PALS1: variants seen among roughly 807,000 people sequenced by gnomAD.
PALS1 encodes the protein protein associated with LIN7 1, MAGUK p55 family member.
Under a neutral mutation model 78.9 loss-of-function variants are expected in PALS1, and 31 were observed. The ratio of observed to expected loss-of-function variants is 0.39; its 90% CI spans 0.30 to 0.53. The LOEUF is 0.53. PALS1 is among the 20% of genes least tolerant of loss of function. The pLI, the probability that PALS1 is intolerant of heterozygous loss-of-function variation, is 0.67. For synonymous variants in PALS1, 276 were observed against 270.9 expected, an observed-to-expected ratio of 1.02 and a Z score of -0.18; for missense variants, 704 against 826.5, an observed-to-expected ratio of 0.85 and a Z score of 1.82.
rs190847744 is a variant in PALS1 at position 67,312,864 on chromosome 14, T to C, written c.1225+154T>C. On this transcript the variant is annotated intron_variant, in intron 9 of 14. Transcript: ENST00000261681. ...GGGTTTTTATGTTGTACCTGCAGCG[T>C]AAGTATATTAAATAGAATGTGGCCA... 2.6e-5 allele frequency among the ~76,000 whole-genome samples: 4 copies of C among 152,352 alleles called. No individual in the cohort carries two copies. In the East Asian group the frequency reaches 7.7e-4, roughly 29 times the overall value.
rs17184175 is a variant in PALS1 at position 67,326,407 on chromosome 14, A to G, written c.1851+2595A>G. ...ATATTTTTAAAGCAGGAAGTTGATCAGTACCAAAATGTTTTAACAATATGC... is the reference window on the plus strand; with the variant it reads ...ATATTTTTAAAGCAGGAAGTTGATCGGTACCAAAATGTTTTAACAATATGC... On this transcript the variant is annotated intron_variant, in intron 14 of 14. Transcript: ENST00000261681. Among the ~76,000 whole-genome samples, 468 of 151,676 alleles carry G rather than the reference A, an allele frequency of 3.1e-3. 3 individuals are homozygous for G. Among genetic ancestry groups the G allele is most frequent in the Non-Finnish European group, 5.0e-3 (342 of 67,912 alleles).
intron 1 of PALS1, among the ~76,000 whole-genome samples, chr14:67,269,063 C>G (rs1488921364): frequency 2.0e-5 from 3 of 152,146 alleles, no homozygotes; most frequent in Non-Finnish European, 2.9e-5. Flanking sequence ...AACCACTGAT[C>G]TACTTTTTGT....
intron 6 of PALS1, 51 bp downstream of exon 6, chr14:67,302,169 G>A (rs1335603514): frequency 2.0e-6 from 3 of 1,524,616 alleles, no homozygotes; most frequent in Admixed American, 4.2e-5. Context: ...CTGCTGTTGT[G>A]TGCTTCAAAA....
rs34930516 is a variant in PALS1 at position 67,310,062 on chromosome 14, CT to C, written c.1042-2453del. On this transcript the variant is annotated intron_variant, in intron 8 of 14. Coordinates refer to ENST00000261681, the MANE Select transcript of PALS1 (RefSeq NM_022474.4). ...TTATTGATAGGATGGTGCTCAAGCA[CT>C]TTTTTTTTTTTAAAGAAAACATATT... is the stretch of plus-strand genomic sequence containing the variant. 3.0e-3 allele frequency among the ~76,000 whole-genome samples: 432 copies of C among 143,630 alleles called. 2 individuals are homozygous for C. Among genetic ancestry groups the C allele is most frequent in the African/African-American group, 7.8e-3 (310 of 39,688 alleles). The allele number at this position is 143,630 out of a possible 152,430, so 94.2% of individuals were successfully genotyped here.
chr14:67,291,108 C>T (rs114310559), intron 3 of PALS1, among the ~76,000 whole-genome samples: 314 of 152,028 alleles, frequency 2.1e-3, no homozygotes, highest in African/African-American at 7.1e-3. Flanking sequence ...TAAGAGCAAC[C>T]ATAAATATAA....
At chr14:67,289,767 TC>T (rs146739749) in intron 3 of PALS1, among the ~76,000 whole-genome samples, 2,206 of 127,056 alleles carry the variant, frequency 0.017, 286 homozygotes, top group African/African-American at 0.049. Flanking sequence ...TTTTTCCATG[TC>T]CTTTTTTTTT....
chr14:67,320,247 A>C lies in PALS1; in HGVS notation c.1387A>C (p.Ile463Leu). 1 of 1,612,292 alleles carries C rather than the reference A, an allele frequency of 6.2e-7. No individual in the cohort carries two copies. Among genetic ancestry groups the C allele is most frequent in the East Asian group, 2.2e-5 (1 of 44,824 alleles). Residue 463 changes from isoleucine to leucine, a missense_variant, in exon 12 of 15, where the codon ATC (isoleucine) becomes CTC (leucine). Coordinates refer to ENST00000261681, the MANE Select transcript of PALS1 (RefSeq NM_022474.4). ...TCCCAAAGATTATGACAACGAGGAGATCTTAACCTATGAGGAAATGTCACT... is the reference window on the plus strand; with the variant it reads ...TCCCAAAGATTATGACAACGAGGAGCTCTTAACCTATGAGGAAATGTCACT... The part of the protein sequence containing the change: ...NKNDDYDNEE[I>L]LTYEEMSLYH...
intron 14 of PALS1, among the ~76,000 whole-genome samples, chr14:67,330,153 TA>T (rs58046175): frequency 0.16 from 22,191 of 140,230 alleles, 3,146 homozygotes; most frequent in East Asian, 0.41. Flanking sequence ...ATAATAATAA[TA>T]ATTATTATTA....
At chr14:67,260,105 A>G (rs1452108303) in intron 1 of PALS1, among the ~76,000 whole-genome samples, 2 of 152,222 alleles carry the variant, frequency 1.3e-5, no homozygotes, top group African/African-American at 4.8e-5. Context: ...GAACTTATGC[A>G]TCTCTCTAAT....
At chr14:67,266,231 G>T (rs528371407) in intron 1 of PALS1, among the ~76,000 whole-genome samples, 1 of 152,210 alleles carries the variant, frequency 6.6e-6, no homozygotes, top group Admixed American at 6.5e-5. Flanking sequence ...GTAAGAACTC[G>T]TTTTTTAGTT....
At chr14:67,252,329 A>T (rs769919056) in intron 1 of PALS1, among the ~76,000 whole-genome samples, 1 of 151,870 alleles carries the variant, frequency 6.6e-6, no homozygotes, top group East Asian at 1.9e-4. Flanking sequence ...TTTTATTTTT[A>T]TTTTTTGTAG....
chr14:67,242,202 CCTT>C (rs1003297226), intron 1 of PALS1, among the ~76,000 whole-genome samples: 2 of 152,178 alleles, frequency 1.3e-5, no homozygotes, highest in African/African-American at 2.4e-5. Flanking sequence ...TCATAACTCA[CCTT>C]CTGTTGATTG....
intron 14 of PALS1, among the ~76,000 whole-genome samples, chr14:67,328,695 T>G (rs1417073713): frequency 6.6e-6 from 1 of 152,250 alleles, no homozygotes. Flanking sequence ...TTTCTACATA[T>G]GGCTAGCCAG....
intron 1 of PALS1, among the ~76,000 whole-genome samples, chr14:67,258,984 A>C (rs2084188475): frequency 6.6e-6 from 1 of 151,918 alleles, no homozygotes; most frequent in Non-Finnish European, 1.5e-5. Context: ...CTGGGACTAC[A>C]GGCGCGTGCC....
chr14:67,328,144 G>A (rs2085388688), intron 14 of PALS1, among the ~76,000 whole-genome samples: 1 of 152,170 alleles, frequency 6.6e-6, no homozygotes, highest in African/African-American at 2.4e-5. Flanking sequence ...TCCAGCACCT[G>A]TTGTTTCCGA....
At chr14:67,309,336 G>A (rs2085054298) in intron 8 of PALS1, among the ~76,000 whole-genome samples, 1 of 152,100 alleles carries the variant, frequency 6.6e-6, no homozygotes, top group Non-Finnish European at 1.5e-5. Flanking sequence ...ATCTGTTAAG[G>A]CAATACCCAG....
intron 3 of PALS1, among the ~76,000 whole-genome samples, chr14:67,287,377 TTAAG>T (rs1595586887): frequency 6.6e-6 from 1 of 152,102 alleles, no homozygotes; most frequent in African/African-American, 2.4e-5. Context: ...TGAAATTATA[TTAAG>T]TATGTTCTAG....
chr14:67,319,611 A>T (rs1288284584), intron 11 of PALS1, among the ~76,000 whole-genome samples: 1 of 65,226 alleles, frequency 1.5e-5, no homozygotes, highest in Non-Finnish European at 2.2e-5. Flanking sequence ...CTGATGAGCT[A>T]AAAAAAAAAA....
chr14:67,333,075 A>G lies in PALS1; in HGVS notation c.*119A>G, dbSNP rs1466151467. 14 of 861,494 alleles carry G rather than the reference A, an allele frequency of 1.6e-5. No individual in the cohort carries two copies. Among genetic ancestry groups the G allele is most frequent in the Non-Finnish European group, 2.1e-5 (12 of 565,832 alleles). 53.4% of individuals were successfully genotyped at this position (861,494 alleles called of 1,614,324 possible). ...TGGAAGGCAGCAGTATAAGCTGTAG[A>G]TCTGTTCTTAGATCTCTTGAATTAG... On this transcript the variant is annotated 3_prime_UTR_variant, in exon 15 of 15. Coordinates refer to ENST00000261681, the MANE Select transcript of PALS1 (RefSeq NM_022474.4).
Sources: allele counts gnomAD v4.1 joint callset (sites outside exome capture counted in the v4.1 genomes callset), GRCh38; gene constraint gnomAD v4.1.1; transcripts MANE v1.5; gene names NCBI Gene and HGNC (gene_info 2026-07-23, HGNC 2026-07-21).